TPTE: variants seen among roughly 807,000 people sequenced by gnomAD.
TPTE encodes putative tyrosine-protein phosphatase TPTE.
In TPTE, 59 loss-of-function variants were observed where a neutral mutation model predicts 84.1. The observed-to-expected ratio is 0.70, with a 90% CI of 0.57 to 0.87. The LOEUF (loss-of-function observed/expected upper bound fraction) is 0.87, where lower values mean the gene tolerates loss of function less well. Ranked by LOEUF, TPTE falls within the 40% of genes least tolerant of loss-of-function variation. The pLI, the probability that TPTE is intolerant of heterozygous loss-of-function variation, is 0.00. For synonymous variants in TPTE, 130 were observed against 223.5 expected (o/e 0.58, Z 3.73); for missense variants, 382 against 659.6 (o/e 0.58, Z 4.61).
intron 17 of TPTE, among the ~76,000 whole-genome samples, chr21:10,584,847 A>G (rs1349958126): frequency 6.6e-6 from 1 of 152,310 alleles, no homozygotes; most frequent in East Asian, 1.9e-4. Flanking sequence ...TATCAAAGGA[A>G]AAGCTTTCAA....
intron 4 of TPTE, 89 bp from the exon 5 acceptor site, chr21:10,541,023 G>C: frequency 6.4e-7 from 1 of 1,570,324 alleles, no homozygotes. Flanking sequence ...AGTGTAACTG[G>C]GGAATGACAC....
intron 4 of TPTE, among the ~76,000 whole-genome samples, chr21:10,540,481 C>T (rs2074348855): frequency 1.3e-5 from 2 of 152,420 alleles, no homozygotes; most frequent in Middle Eastern, 3.4e-3. Flanking sequence ...TGAGACTTTC[C>T]TAGTAGCATG....
intron 8 of TPTE, among the ~76,000 whole-genome samples, chr21:10,553,081 C>T (rs1482734683): frequency 6.6e-6 from 1 of 152,414 alleles, no homozygotes; most frequent in South Asian, 2.1e-4. Context: ...CAATTTTGTA[C>T]ATTTTGCCTA....
intron 3 of TPTE, among the ~76,000 whole-genome samples, chr21:10,537,435 T>C (rs1355551038): frequency 3.3e-5 from 5 of 152,292 alleles, no homozygotes; most frequent in Non-Finnish European, 7.3e-5. Context: ...TCCCAGCACT[T>C]TGGGAGGCCG....
rs754233308 is a variant in TPTE at position 10,543,222 on chromosome 21, C to T, written c.120-107C>T. 23 of 1,396,690 alleles carry T rather than the reference C, an allele frequency of 1.6e-5. 1 individual carries two copies. The highest frequency in any genetic ancestry group is 1.9e-4 in the Middle Eastern group (1 of 5,232). 86.5% of individuals were successfully genotyped at this position (1,396,690 alleles called of 1,614,324 possible). A position where few individuals can be genotyped will look rare whatever the true frequency, so the allele number is the denominator to read the frequency against. On this transcript the variant is annotated intron_variant, in intron 6 of 23. Transcript: ENST00000618007. ...TTTTTTTTTGTATTTTTAGTAGAGA[C>T]GGGGTTTCACCTTGTTAGCCAGGAT...
At chr21:10,587,261 G>C (rs1348473661) in intron 17 of TPTE, among the ~76,000 whole-genome samples, 3 of 152,308 alleles carry the variant, frequency 2.0e-5, no homozygotes, top group African/African-American at 7.2e-5. Flanking sequence ...GCATATACAG[G>C]TTTATTGGTA....
intron 20 of TPTE, 149 bp from the exon 21 acceptor site, chr21:10,597,866 C>CA: frequency 8.7e-7 from 1 of 1,144,880 alleles, no homozygotes; most frequent in Non-Finnish European, 1.2e-6. Context: ...CTTTCAAAGA[C>CA]AAAATCCATG....
intron 17 of TPTE, among the ~76,000 whole-genome samples, chr21:10,578,818 G>GA (rs542532229): frequency 2.0e-5 from 3 of 152,274 alleles, no homozygotes; most frequent in Non-Finnish European, 4.4e-5. Context: ...AAGAAAGTAA[G>GA]AAAAAAGAAC....
rs1296332624 is a variant in TPTE at position 10,578,611 on chromosome 21, AACAT to A, written c.1027+7_1027+10del. On this transcript the variant is annotated splice_region_variant and intron_variant, in intron 17 of 23. Transcript: ENST00000618007. Reference sequence around the variant, plus strand: ...TCACTGTAAAGGAGGCACAGGTAATAACATTTTCCTTTTTATTTCTCCATTTCTA... The same window carrying A: ...TCACTGTAAAGGAGGCACAGGTAATATTTCCTTTTTATTTCTCCATTTCTA... 3 of 1,611,808 alleles carry A rather than the reference AACAT, an allele frequency of 1.9e-6. No individual in the cohort carries two copies. The African/African-American group carries it at 4.0e-5, about 22-fold the overall frequency.
At chr21:10,588,729 T>C (rs1468243388) in intron 17 of TPTE, among the ~76,000 whole-genome samples, 2 of 152,312 alleles carry the variant, frequency 1.3e-5, no homozygotes, top group Admixed American at 6.5e-5. Context: ...TTTATTTTTG[T>C]CTGACTGGAT....
At chr21:10,536,259 G>C (rs1274781268) in intron 3 of TPTE, among the ~76,000 whole-genome samples, 4 of 152,312 alleles carry the variant, frequency 2.6e-5, no homozygotes, top group Middle Eastern at 3.2e-3. Context: ...GCCTCGGTGA[G>C]AGTGAGACTC....
intron 1 of TPTE, among the ~76,000 whole-genome samples, chr21:10,523,706 A>G (rs1480921386): frequency 1.8e-3 from 270 of 152,344 alleles, no homozygotes; most frequent in African/African-American, 6.1e-3. Flanking sequence ...ATTGTTGGAC[A>G]TTTGGGTTGG....
intron 21 of TPTE, among the ~76,000 whole-genome samples, chr21:10,598,502 C>A (rs1486271806): frequency 6.6e-6 from 1 of 152,308 alleles, no homozygotes; most frequent in Non-Finnish European, 1.5e-5. Flanking sequence ...TACTGAGGAG[C>A]TTGTAAAGAT....
chr21:10,560,416 A>T (rs1286775297), intron 9 of TPTE, among the ~76,000 whole-genome samples: 4 of 152,310 alleles, frequency 2.6e-5, no homozygotes, highest in African/African-American at 9.6e-5. Context: ...TAGACTAGGC[A>T]AATAGTCTAA....
chr21:10,541,825 G>C (rs1266291093), intron 5 of TPTE, among the ~76,000 whole-genome samples: 2 of 152,306 alleles, frequency 1.3e-5, no homozygotes, highest in East Asian at 3.8e-4. Flanking sequence ...GGAGTACTTG[G>C]GGAACTGTGA....
intron 22 of TPTE, among the ~76,000 whole-genome samples, chr21:10,602,973 T>G (rs1978759954): frequency 6.6e-6 from 1 of 152,304 alleles, no homozygotes; most frequent in African/African-American, 2.4e-5. Flanking sequence ...CACTGATATA[T>G]CCACATGGTC....
At chr21:10,594,071 A>G (rs1398709685) in intron 19 of TPTE, among the ~76,000 whole-genome samples, 3 of 152,418 alleles carry the variant, frequency 2.0e-5, no homozygotes, top group East Asian at 1.9e-4. Context: ...AATCCATACT[A>G]TGTCCCCACT....
At chr21:10,572,295 C>CA (rs112647673) in intron 14 of TPTE, among the ~76,000 whole-genome samples, 26,017 of 134,402 alleles carry the variant, frequency 0.19, 20 homozygotes, top group African/African-American at 0.46. Flanking sequence ...ACTAATAATA[C>CA]AAAAAAATTA....
chr21:10,580,141 A>T (rs2075245303), intron 17 of TPTE, among the ~76,000 whole-genome samples: 1 of 152,308 alleles, frequency 6.6e-6, no homozygotes, highest in South Asian at 2.1e-4. Flanking sequence ...CCTCTTGGCC[A>T]TTTGTGTGTC....
Sources: allele counts gnomAD v4.1 joint callset (sites outside exome capture counted in the v4.1 genomes callset), GRCh38; gene constraint gnomAD v4.1.1; transcripts MANE v1.5; gene names NCBI Gene and HGNC (gene_info 2026-07-23, HGNC 2026-07-21).